Variants in CNTNAP2 observed in about 807,000 individuals in gnomAD.
CNTNAP2 encodes contactin associated protein 2.
In CNTNAP2, 98 loss-of-function variants were observed where a neutral mutation model predicts 155.2. The ratio of observed to expected loss-of-function variants is 0.63; its 90% CI spans 0.54 to 0.75. The LOEUF is 0.75. CNTNAP2 is among the 30% of genes least tolerant of loss of function. CNTNAP2 has a pLI of 0.00. For missense variants in CNTNAP2, 1,727 were observed against 1,688.1 expected (o/e 1.02, Z -0.40); for synonymous variants, 651 against 631.2 (o/e 1.03, Z -0.47).
chr7:146,571,430 A>C (rs1798438358), intron 1 of CNTNAP2, among the ~76,000 whole-genome samples: 1 of 152,166 alleles, frequency 6.6e-6, no homozygotes, highest in Non-Finnish European at 1.5e-5. Context: ...TAACGCCACC[A>C]AAAAATTGAA....
At chr7:146,629,322 A>G (rs1799472029) in intron 1 of CNTNAP2, among the ~76,000 whole-genome samples, 1 of 152,164 alleles carries the variant, frequency 6.6e-6, no homozygotes, top group Non-Finnish European at 1.5e-5. Flanking sequence ...TTGTCATAAT[A>G]TTTGTCACTA....
intron 1 of CNTNAP2, among the ~76,000 whole-genome samples, chr7:146,207,523 T>G (rs1400024243): frequency 2.0e-5 from 3 of 151,982 alleles, no homozygotes; most frequent in Non-Finnish European, 2.9e-5. Context: ...TTTCCATCAG[T>G]TTTAGTTGAA....
chr7:147,996,517 A>G (rs1325452646), intron 15 of CNTNAP2, among the ~76,000 whole-genome samples: 1 of 152,152 alleles, frequency 6.6e-6, no homozygotes, highest in Admixed American at 6.5e-5. Context: ...AAGTTATTTA[A>G]TTTCACTAAG....
intron 21 of CNTNAP2, among the ~76,000 whole-genome samples, chr7:148,297,291 A>C (rs933603589): frequency 6.6e-6 from 1 of 152,192 alleles, no homozygotes; most frequent in African/African-American, 2.4e-5. Context: ...GTGTGGTTAC[A>C]TCAGACAGCT....
rs1378844330 is a variant in CNTNAP2, at chr7:148,235,362, T to C, written c.3381+5583T>C. Among the ~76,000 whole-genome samples the C allele has an allele frequency of 5.3e-5, 8 of 152,212 alleles. No homozygotes were observed. In the East Asian group the frequency reaches 1.5e-3, roughly 29 times the overall value. On this transcript the variant is annotated intron_variant, in intron 20 of 23. Coordinates refer to ENST00000361727, the MANE Select transcript of CNTNAP2 (RefSeq NM_014141.6). ...AGAAAGGATACAAATATTAGGATGATGCCAGTTGCTATACAAATTAGCCCT... is the reference window on the plus strand; with the variant it reads ...AGAAAGGATACAAATATTAGGATGACGCCAGTTGCTATACAAATTAGCCCT...
rs559348071 is a variant in CNTNAP2, at chr7:148,224,513, A to G, written c.3248-5133A>G. On this transcript the variant is annotated intron_variant, in intron 19 of 23. Transcript: ENST00000361727. The stretch of plus-strand genomic sequence containing the variant: ...AAATAAAGTAGCAGGAGGAATGCAC[A>G]TCAGACAGGGCATTGCAACCGCTAT... Among the ~76,000 whole-genome samples, 4 of 152,370 alleles carry G rather than the reference A, an allele frequency of 2.6e-5. No homozygotes were observed. The East Asian group carries it at 7.7e-4, about 29-fold the overall frequency.
chr7:148,017,996 G>C (rs907844996), intron 15 of CNTNAP2, among the ~76,000 whole-genome samples: 1 of 152,176 alleles, frequency 6.6e-6, no homozygotes, highest in African/African-American at 2.4e-5. Flanking sequence ...AACACAAAAC[G>C]CTTTCTGTTA....
intron 10 of CNTNAP2, among the ~76,000 whole-genome samples, chr7:147,423,012 G>A (rs1399022752): frequency 1.3e-5 from 2 of 152,150 alleles, no homozygotes; most frequent in East Asian, 3.9e-4. Flanking sequence ...GAATGATCGA[G>A]CTACTTTTCT....
chr7:148,382,229 C>T (rs943363304), intron 21 of CNTNAP2, among the ~76,000 whole-genome samples: 1 of 152,206 alleles, frequency 6.6e-6, no homozygotes, highest in African/African-American at 2.4e-5. Context: ...GGCCTGGGCC[C>T]GGGAGCCTCT....
intron 9 of CNTNAP2, among the ~76,000 whole-genome samples, chr7:147,347,954 G>A (rs1795905514): frequency 6.6e-6 from 1 of 152,008 alleles, no homozygotes; most frequent in Non-Finnish European, 1.5e-5. Context: ...TTCAATAAAT[G>A]GTGTTGGGAA....
intron 8 of CNTNAP2, among the ~76,000 whole-genome samples, chr7:147,198,915 A>G (rs1802863544): frequency 6.6e-6 from 1 of 150,806 alleles, no homozygotes; most frequent in Admixed American, 6.6e-5. Context: ...AGAAAGAGCA[A>G]TGGCCTGGAA....
chr7:148,015,682 C>T (rs1383228867), intron 15 of CNTNAP2, among the ~76,000 whole-genome samples: 1 of 152,170 alleles, frequency 6.6e-6, no homozygotes, highest in African/African-American at 2.4e-5. Context: ...ACACACCAAC[C>T]ACTTTCATCC....
At chr7:148,179,218 A>G (rs1463422668) in intron 18 of CNTNAP2, among the ~76,000 whole-genome samples, 2 of 152,150 alleles carry the variant, frequency 1.3e-5, no homozygotes, top group Non-Finnish European at 2.9e-5. Context: ...GAGACAAGAA[A>G]GCGCTGATTA....
In CNTNAP2 at chr7:147,962,741, T is replaced by A. The variant is rs115160499; in HGVS notation, c.2256-15121T>A. 7.0e-3 allele frequency among the ~76,000 whole-genome samples: 1,065 copies of A among 152,312 alleles called. 13 individuals carry two copies. Among genetic ancestry groups the A allele is most frequent in the African/African-American group, 0.025 (1,029 of 41,576 alleles). ...ACGTGGTAGGCACTGTGCTAAGTAATGTATAGTCCATTAATTTGTTTAAAT... is the reference window on the plus strand; with the variant it reads ...ACGTGGTAGGCACTGTGCTAAGTAAAGTATAGTCCATTAATTTGTTTAAAT... On this transcript the variant is annotated intron_variant, in intron 14 of 23. Coordinates refer to ENST00000361727, the MANE Select transcript of CNTNAP2 (RefSeq NM_014141.6).
chr7:148,149,793 C>G (rs970973068), intron 17 of CNTNAP2, among the ~76,000 whole-genome samples: 5 of 152,028 alleles, frequency 3.3e-5, no homozygotes, highest in African/African-American at 1.2e-4. Context: ...CTCAGGTGAT[C>G]CACCCACCTC....
chr7:146,775,799 T>A (rs1213320751), intron 2 of CNTNAP2, among the ~76,000 whole-genome samples: 3 of 151,940 alleles, frequency 2.0e-5, no homozygotes. Context: ...CAGAATAATA[T>A]ATAAGGTATT....
chr7:146,504,660 C>T lies in CNTNAP2; in HGVS notation c.98-269611C>T, dbSNP rs575776592. Among the ~76,000 whole-genome samples, 15 of 152,290 alleles carry T rather than the reference C, an allele frequency of 9.8e-5. No individual in the cohort carries two copies. The East Asian group carries it at 2.5e-3, about 26-fold the overall frequency. ...GGATGGTTAATGCTAAGAGGTAGAG[C>T]CACCAGGGGGCTCATCACACTTGCA... On this transcript the variant is annotated intron_variant, in intron 1 of 23. Coordinates refer to ENST00000361727, the MANE Select transcript of CNTNAP2 (RefSeq NM_014141.6).
At chr7:148,184,198 C>G (rs1050698439) in intron 18 of CNTNAP2, among the ~76,000 whole-genome samples, 2 of 152,128 alleles carry the variant, frequency 1.3e-5, no homozygotes, top group Non-Finnish European at 2.9e-5. Flanking sequence ...TTTTGGGAGG[C>G]TGAGGCAGGA....
intron 1 of CNTNAP2, among the ~76,000 whole-genome samples, chr7:146,752,366 C>T (rs1011546576): frequency 6.6e-6 from 1 of 152,164 alleles, no homozygotes; most frequent in Non-Finnish European, 1.5e-5. Flanking sequence ...TTGCATTTCT[C>T]TAATGATCAG....
Sources: gnomAD v4.1 joint callset for allele counts (sites outside exome capture counted in the v4.1 genomes callset) on GRCh38, gnomAD v4.1.1 for gene constraint, MANE v1.5 for transcripts, NCBI Gene and HGNC (gene_info 2026-07-23, HGNC 2026-07-21) for gene names.